Variants in C4orf17 observed in about 807,000 individuals in gnomAD.
C4orf17 encodes uncharacterized protein C4orf17.
A neutral mutation model predicts 32.0 loss-of-function variants in C4orf17; 25 were observed. The observed-to-expected ratio is 0.78, with a 90% CI of 0.57 to 1.09. C4orf17 has a LOEUF of 1.09. Ranked by LOEUF, C4orf17 falls within the 50% of genes least tolerant of loss-of-function variation. The pLI is 0.00. For synonymous variants in C4orf17, 149 were observed against 145.8 expected, an observed-to-expected ratio of 1.02 and a Z score of -0.16; for missense variants, 420 against 420.0, an observed-to-expected ratio of 1.00 and a Z score of 0.00.
chr4:99,514,667 G>C (rs536793016), intron 2 of C4orf17, among the ~76,000 whole-genome samples: 1 of 152,216 alleles, frequency 6.6e-6, no homozygotes, highest in Non-Finnish European at 1.5e-5. Flanking sequence ...GTGTAAACTA[G>C]TGTACAACCA....
At chr4:99,512,456 G>C (rs989327081) in intron 1 of C4orf17, among the ~76,000 whole-genome samples, 6 of 152,036 alleles carry the variant, frequency 3.9e-5, no homozygotes, top group African/African-American at 1.4e-4. Flanking sequence ...CATGGCAAAG[G>C]TTCTCTGGTT....
Position 99,540,413 on chromosome 4 carries a change from G to T in C4orf17, c.838G>T (p.Val280Leu). 1 of 1,610,890 alleles carries T rather than the reference G, an allele frequency of 6.2e-7. No homozygotes were observed. The highest frequency in any genetic ancestry group is 2.2e-5 in the East Asian group (1 of 44,714). The stretch of plus-strand genomic sequence containing the variant: ...TTTTTCTTTCTCCAACTGATCTAGA[G>T]TGTCAAGTCAAGGATCTGAAGAAAA... ...RDTEGDQPTR[V>L]SSQGSEENKE... Residue 280 changes from valine to leucine, a missense_variant and splice_region_variant, in exon 8 of 9, where the codon GTG becomes TTG. Transcript: ENST00000326581.
rs749895009 is a variant in C4orf17 at position 99,524,565 on chromosome 4, A to C, written c.382A>C (p.Asn128His). ...AGAGTGCTTCAAAACTTCCAGTGAG[A>C]ATCCCTTAGTAATTAAAAAGGTAAG... ...IKECFKTSSE[N>H]PLVIKKEEIK... Residue 128 changes from asparagine to histidine, a missense_variant, in exon 4 of 9, where the codon AAT (asparagine) becomes CAT (histidine). Transcript: ENST00000326581. 2.5e-6 allele frequency: 4 copies of C among 1,602,518 alleles called. No individual in the cohort carries two copies. In the African/African-American group the frequency reaches 5.4e-5, roughly 21 times the overall value.
At chr4:99,535,203 G>A (rs1196406483) in intron 5 of C4orf17, among the ~76,000 whole-genome samples, 1 of 152,052 alleles carries the variant, frequency 6.6e-6, no homozygotes, top group Non-Finnish European at 1.5e-5. Context: ...AGAATCTGAC[G>A]ATGATGTATC....
At chr4:99,539,079 C>T (rs1042401260) in intron 6 of C4orf17, 84 bp from the exon 7 acceptor site, 3 of 1,227,682 alleles carry the variant, frequency 2.4e-6, no homozygotes, top group Admixed American at 1.9e-5. Context: ...CTTTCATACT[C>T]AGGAGCTGGA....
chr4:99,530,219 C>T (rs1441836867), intron 5 of C4orf17, among the ~76,000 whole-genome samples: 1 of 152,018 alleles, frequency 6.6e-6, no homozygotes, highest in Non-Finnish European at 1.5e-5. Flanking sequence ...ACAAACCCAA[C>T]CCTATTCTTT....
chr4:99,541,945 A>C lies in C4orf17; in HGVS notation c.916A>C (p.Asn306His). 1 of 1,613,900 alleles carries C rather than the reference A, an allele frequency of 6.2e-7. No homozygotes were observed. ...EHKPPLLIRR[N>H]NMKIPVAEYF... ...CAAGCCTCCACTACTTATAAGAAGA[A>C]ATAATATGAAAATACCTGTTGCAGA... Residue 306 changes from asparagine to histidine, a missense_variant, in exon 9 of 9, where the codon AAT (asparagine) becomes CAT (histidine). By Grantham distance (68) the Asn-to-His change is moderately conservative. Coordinates refer to ENST00000326581, the MANE Select transcript of C4orf17 (RefSeq NM_032149.3).
At chr4:99,535,507 C>T (rs1380320480) in intron 5 of C4orf17, among the ~76,000 whole-genome samples, 6 of 152,058 alleles carry the variant, frequency 3.9e-5, no homozygotes, top group Admixed American at 3.9e-4. Flanking sequence ...CTCTGAGATT[C>T]TTTCCTCCAC....
intron 2 of C4orf17, among the ~76,000 whole-genome samples, chr4:99,516,951 A>G (rs1001238309): frequency 3.3e-5 from 5 of 152,116 alleles, no homozygotes; most frequent in African/African-American, 1.2e-4. Flanking sequence ...GACAAATCCA[A>G]TGCAAAGAGG....
intron 2 of C4orf17, 44 bp downstream of exon 2, chr4:99,513,252 C>CT: frequency 6.2e-7 from 1 of 1,606,864 alleles, no homozygotes; most frequent in Non-Finnish European, 8.5e-7. Flanking sequence ...ATTCTCTACA[C>CT]TTGGGCTATT....
chr4:99,516,709 G>A (rs1723186260), intron 2 of C4orf17, among the ~76,000 whole-genome samples: 1 of 152,154 alleles, frequency 6.6e-6, no homozygotes, highest in Non-Finnish European at 1.5e-5. Context: ...GTGGGGAGGA[G>A]GGAAGGGATA....
Position 99,539,153 on chromosome 4 carries a change from T to C in C4orf17, c.629-10T>C, listed in dbSNP as rs1723611350. ...TCACTCCTCCCACCCTTTTTTGTCT[T>C]TTAAACCAGAAAAAGAGTGGGTCTC... On this transcript the variant is annotated splice_polypyrimidine_tract_variant and intron_variant, in intron 6 of 8. Transcript: ENST00000326581. 6.2e-7 allele frequency: 1 copy of C among 1,613,228 alleles called. No individual in the cohort carries two copies. Among genetic ancestry groups the C allele is most frequent in the South Asian group, 1.1e-5 (1 of 91,054 alleles).
At chr4:99,537,317 T>A (rs1723578457) in intron 5 of C4orf17, among the ~76,000 whole-genome samples, 1 of 152,190 alleles carries the variant, frequency 6.6e-6, no homozygotes, top group South Asian at 2.1e-4. Context: ...TCAGCTGGAC[T>A]GGCAAAACAG....
intron 5 of C4orf17, among the ~76,000 whole-genome samples, chr4:99,537,017 C>CT (rs1723573615): frequency 6.6e-6 from 1 of 152,022 alleles, no homozygotes; most frequent in Non-Finnish European, 1.5e-5. Flanking sequence ...ACAATAGAGG[C>CT]TTCCCCAGTT....
chr4:99,518,690 T>C (rs1185845905), intron 2 of C4orf17, among the ~76,000 whole-genome samples: 1 of 150,650 alleles, frequency 6.6e-6, no homozygotes, highest in Non-Finnish European at 1.5e-5. Flanking sequence ...GGCTAAAATG[T>C]TCCCTATTAT....
At chr4:99,535,005 G>A (rs562120165) in intron 5 of C4orf17, among the ~76,000 whole-genome samples, 1 of 152,218 alleles carries the variant, frequency 6.6e-6, no homozygotes, top group East Asian at 1.9e-4. Flanking sequence ...AACTCAGTTT[G>A]GCCAGATGTG....
chr4:99,524,540 A>G lies in C4orf17; in HGVS notation c.357A>G (p.Lys119=). The change falls in exon 4 of 9, where the codon AAA becomes AAG. Residue 119 remains lysine (K), a synonymous_variant. Coordinates refer to ENST00000326581, the MANE Select transcript of C4orf17 (RefSeq NM_032149.3). ...RPHSEPSRKI[K]ECFKTSSENP... The stretch of plus-strand genomic sequence containing the variant: ...TTTCAGAGCCCAGTAGAAAAATTAA[A>G]GAGTGCTTCAAAACTTCCAGTGAGA... The G allele has an allele frequency of 6.2e-7, 1 of 1,603,054 alleles. No individual in the cohort carries two copies.
intron 5 of C4orf17, among the ~76,000 whole-genome samples, chr4:99,530,587 A>G (rs1212100425): frequency 6.6e-6 from 1 of 152,076 alleles, no homozygotes; most frequent in Non-Finnish European, 1.5e-5. Context: ...AAGTCCCACT[A>G]CAATGAACTA....
At chr4:99,529,487 T>A (rs543123030) in intron 4 of C4orf17, among the ~76,000 whole-genome samples, 4 of 152,318 alleles carry the variant, frequency 2.6e-5, no homozygotes, top group Admixed American at 2.0e-4. Context: ...AAGAGAAATC[T>A]TCCCAACTTA....
Sources: gnomAD v4.1 joint callset for allele counts (sites outside exome capture counted in the v4.1 genomes callset) on GRCh38, gnomAD v4.1.1 for gene constraint, MANE v1.5 for transcripts, NCBI Gene and HGNC (gene_info 2026-07-23, HGNC 2026-07-21) for gene names.